Variants in PTCRA observed in about 807,000 individuals in gnomAD.
PTCRA encodes the protein pre T cell antigen receptor alpha, also known as pre T-cell antigen receptor alpha.
In PTCRA, 9 loss-of-function variants were observed where a neutral mutation model predicts 13.4. The observed-to-expected ratio is 0.67, with a 90% CI of 0.41 to 1.18. The LOEUF is 1.18. PTCRA is among the 50% of genes most tolerant of loss of function. PTCRA has a pLI of 0.01. For missense variants in PTCRA, 353 were observed against 359.8 expected, an observed-to-expected ratio of 0.98 and a Z score of 0.15; for synonymous variants, 153 against 161.9, an observed-to-expected ratio of 0.94 and a Z score of 0.42.
intron 1 of PTCRA, among the ~76,000 whole-genome samples, chr6:42,918,527 C>A (rs1488722535): frequency 1.3e-5 from 2 of 151,820 alleles, no homozygotes; most frequent in Non-Finnish European, 2.9e-5. Flanking sequence ...TGCACTCCAG[C>A]CTGGGCAACA....
intron 2 of PTCRA, among the ~76,000 whole-genome samples, chr6:42,923,919 G>A (rs1767306193): frequency 6.6e-6 from 1 of 152,180 alleles, no homozygotes. Flanking sequence ...TTTCAAATGG[G>A]AATGTTTGTT....
At chr6:42,918,946 T>G (rs564086503) in intron 1 of PTCRA, among the ~76,000 whole-genome samples, 1 of 150,952 alleles carries the variant, frequency 6.6e-6, no homozygotes, top group African/African-American at 2.4e-5. Context: ...CCTGCCACCA[T>G]GCCTGGCTAA....
rs752602270 is a variant in PTCRA, at chr6:42,923,253, T to G, written c.285T>G (p.Pro95=). 12 of 1,614,126 alleles carry G rather than the reference T, an allele frequency of 7.4e-6. No individual in the cohort carries two copies. Among genetic ancestry groups the G allele is most frequent in the Middle Eastern group, 1.6e-4 (1 of 6,082 alleles). ...CCAACTTGGCCCATCTCTCCCTGCC[T>G]TCTGAGGAGCTGGCATCCTGGGAGC... The part of the protein sequence containing the change: ...TWTNLAHLSL[P]SEELASWEPL... Residue 95 remains proline, a synonymous_variant, in exon 2 of 4, where the codon CCT becomes CCG. Transcript: ENST00000304672.
rs573348276 is a variant in PTCRA, at chr6:42,919,948, G to C, written c.59-3079G>C. Among the ~76,000 whole-genome samples the C allele has an allele frequency of 3.3e-5, 5 of 150,726 alleles. No homozygotes were observed. In the South Asian group the frequency reaches 8.4e-4, roughly 25 times the overall value. On this transcript the variant is annotated intron_variant, in intron 1 of 3. Transcript: ENST00000304672. ...GTGGTCACAGCTACTTGGCAGGCCA[G>C]GAGGTCAAGGCTCCAGTGAACTGTG...
At position 42,923,113 on chromosome 6, in the gene PTCRA, G is replaced by C; in HGVS notation, c.145G>C (p.Val49Leu). The change falls in exon 2 of 4, where the codon GTC becomes CTC. Residue 49 changes from valine to leucine, a missense_variant. Transcript: ENST00000304672. ...GCAGCAGATGGTGGTGGTCTGCCTG[G>C]TCCTTGATGTTGCACCCCCTGGCCT... ...GKQQMVVVCLVLDVAPPGLDS... is the reference protein window; with the variant it reads ...GKQQMVVVCLLLDVAPPGLDS... 6.2e-7 allele frequency: 1 copy of C among 1,614,194 alleles called. No homozygotes were observed. The highest frequency in any genetic ancestry group is 8.5e-7 in the Non-Finnish European group (1 of 1,180,036).
chr6:42,917,994 G>A (rs1165308934), intron 1 of PTCRA, among the ~76,000 whole-genome samples: 3 of 152,194 alleles, frequency 2.0e-5, no homozygotes, highest in Admixed American at 6.5e-5. Flanking sequence ...GGTGGCTTAC[G>A]CCTGTAATTC....
In PTCRA at chr6:42,923,170, G is replaced by T; in HGVS notation, c.202G>T (p.Gly68Cys). The change falls in exon 2 of 4, where the codon GGC becomes TGC. Residue 68 changes from glycine to cysteine, a missense_variant. By Grantham distance (159) the Gly-to-Cys change is radical. Coordinates refer to ENST00000304672, the MANE Select transcript of PTCRA (RefSeq NM_138296.3). ...CCCCATCTGGTTCTCAGCCGGCAAT[G>T]GCAGTGCACTGGATGCCTTCACCTA... is the stretch of plus-strand genomic sequence containing the variant. ...DSPIWFSAGNGSALDAFTYGP... is the reference protein window; with the variant it reads ...DSPIWFSAGNCSALDAFTYGP... 1 of 1,614,238 alleles carries T rather than the reference G, an allele frequency of 6.2e-7. No homozygotes were observed. Among genetic ancestry groups the T allele is most frequent in the Non-Finnish European group, 8.5e-7 (1 of 1,180,028 alleles).
intron 1 of PTCRA, chr6:42,922,257 C>A: frequency 1.4e-6 from 1 of 702,652 alleles, no homozygotes. Context: ...GCTGCCACAA[C>A]AGGGTATTAC....
At chr6:42,916,163 T>G (rs570937682) in intron 1 of PTCRA, 36 bp downstream of exon 1, 1 of 1,602,162 alleles carries the variant, frequency 6.2e-7, no homozygotes, top group African/African-American at 1.3e-5. Context: ...CTGTCCCTCC[T>G]CAGTCTGCCG....
rs1271396029 is a variant in PTCRA, at chr6:42,925,504, C to A, written c.668C>A (p.Thr223Asn). The stretch of plus-strand genomic sequence containing the variant: ...CCTCGGGACCGCCGCTGGGGTGACA[C>A]CCCTCCGGGTCGGAAGCCCGGGAGC... ...PQPRDRRWGDTPPGRKPGSPV... is the reference protein window; with the variant it reads ...PQPRDRRWGDNPPGRKPGSPV... The change falls in exon 4 of 4, where the codon ACC becomes AAC. Residue 223 changes from threonine to asparagine, a missense_variant. Transcript: ENST00000304672. The surrounding 1 kb of genome is among the most constrained non-coding windows in gnomAD (Gnocchi z 4.4). 4.5e-6 allele frequency: 7 copies of A among 1,568,374 alleles called. No homozygotes were observed. Among genetic ancestry groups the A allele is most frequent in the Non-Finnish European group, 5.2e-6 (6 of 1,155,710 alleles).
At chr6:42,921,412 CTT>C (rs59029514) in intron 1 of PTCRA, among the ~76,000 whole-genome samples, 4,980 of 85,470 alleles carry the variant, frequency 0.058, 302 homozygotes, top group African/African-American at 0.22. Flanking sequence ...AACAAAGCTT[CTT>C]TTTTTTTTTT....
chr6:42,918,509 C>G (rs1362742320), intron 1 of PTCRA, among the ~76,000 whole-genome samples: 1 of 151,924 alleles, frequency 6.6e-6, no homozygotes, highest in African/African-American at 2.4e-5. Flanking sequence ...GAACAGAGAT[C>G]CTGCCACTGC....
rs1466587943 is a variant in PTCRA, at chr6:42,920,717, G to A, written c.59-2310G>A. ...TGGGATTACAGGCTTGAGCCACAGC[G>A]CCCAGCCATGACTTAGTTCTTAAGA... On this transcript the variant is annotated intron_variant, in intron 1 of 3. Transcript: ENST00000304672. 3.3e-5 allele frequency among the ~76,000 whole-genome samples: 5 copies of A among 151,330 alleles called. No individual in the cohort carries two copies. The East Asian group carries it at 7.9e-4, about 24-fold the overall frequency.
At chr6:42,918,852 C>T (rs1285075564) in intron 1 of PTCRA, among the ~76,000 whole-genome samples, 1 of 146,566 alleles carries the variant, frequency 6.8e-6, no homozygotes, top group African/African-American at 2.5e-5. Context: ...TGCAGTGGTG[C>T]AATCTTGGCT....
chr6:42,922,059 C>A (rs1767195717), intron 1 of PTCRA, among the ~76,000 whole-genome samples: 1 of 151,898 alleles, frequency 6.6e-6, no homozygotes. Context: ...AACAAAACTA[C>A]AGGCTACAGA....
At position 42,925,295 on chromosome 6, in the gene PTCRA, G is replaced by A. The variant is rs1031535969; in HGVS notation, c.459G>A (p.Leu153=). The A allele has an allele frequency of 1.1e-5, 17 of 1,588,856 alleles. No homozygotes were observed. Among genetic ancestry groups the A allele is most frequent in the Middle Eastern group, 1.8e-4 (1 of 5,672 alleles). Residue 153 remains leucine, a synonymous_variant, in exon 4 of 4, where the codon CTG becomes CTA. Coordinates refer to ENST00000304672, the MANE Select transcript of PTCRA (RefSeq NM_138296.3). This position sits in a 1 kb window ranked among gnomAD's most constrained non-coding sequence, Gnocchi z 4.4. ...GTGGGGCGCTGTGGCTGGGGGTCCT[G>A]CGGCTGCTGCTCTTCAAGCTGCTGC... ...TPGGALWLGV[L]RLLLFKLLLF...
chr6:42,920,014 C>A (rs1035782879), intron 1 of PTCRA, among the ~76,000 whole-genome samples: 131 of 148,556 alleles, frequency 8.8e-4, no homozygotes, highest in African/African-American at 3.1e-3. Context: ...AGAGCTAGAC[C>A]CTGTCTCAAA....
intron 1 of PTCRA, among the ~76,000 whole-genome samples, chr6:42,917,477 C>T (rs1766930096): frequency 6.8e-6 from 1 of 148,098 alleles, no homozygotes; most frequent in Admixed American, 6.8e-5. Context: ...CCGCCTCAGC[C>T]TCCCAAAGTG....
rs1562531664 is a variant in PTCRA at position 42,925,564 on chromosome 6, A to T, written c.728A>T (p.Tyr243Phe). 1.9e-5 allele frequency: 30 copies of T among 1,599,536 alleles called. No homozygotes were observed. The highest frequency in any genetic ancestry group is 2.4e-5 in the Non-Finnish European group (28 of 1,172,386). Residue 243 changes from tyrosine to phenylalanine, a missense_variant, in exon 4 of 4, where the codon TAC (tyrosine) becomes TTC (phenylalanine). Transcript: ENST00000304672. This position sits in a 1 kb window ranked among gnomAD's most constrained non-coding sequence, Gnocchi z 4.4. Reference protein sequence around the residue: ...VWGEGSYLSSYPTCPAQAWCS... With the variant: ...VWGEGSYLSSFPTCPAQAWCS... ...GGGGAAGGGTCTTACCTCAGCAGTT[A>T]CCCCACTTGCCCAGCACAGGCCTGG...
Sources: allele counts gnomAD v4.1 joint callset (sites outside exome capture counted in the v4.1 genomes callset), GRCh38; gene constraint gnomAD v4.1.1; non-coding constraint Gnocchi (gnomAD v3.1); transcripts MANE v1.5; gene names NCBI Gene and HGNC (gene_info 2026-07-23, HGNC 2026-07-21).